The following SIL1 variants were observed in gnomAD, a reference collection of about 807,000 sequenced individuals.
SIL1 encodes the protein nucleotide exchange factor SIL1.
Under a neutral mutation model 49.1 loss-of-function variants are expected in SIL1, and 40 were observed. The observed-to-expected ratio is 0.81, with a 90% CI of 0.63 to 1.06. The LOEUF (loss-of-function observed/expected upper bound fraction) is 1.06, where lower values mean the gene tolerates loss of function less well. Ranked by LOEUF, SIL1 falls within the 50% of genes least tolerant of loss-of-function variation. The pLI is 0.00. For synonymous variants in SIL1, 253 were observed against 250.8 expected (o/e 1.01, Z -0.08); for missense variants, 500 against 572.6 (o/e 0.87, Z 1.29).
At chr5:138,966,901 A>G (rs555360838) in intron 7 of SIL1, among the ~76,000 whole-genome samples, 1 of 152,334 alleles carries the variant, frequency 6.6e-6, no homozygotes, top group South Asian at 2.1e-4. Flanking sequence ...CACGCCGCAA[A>G]TTACTAGCCT....
chr5:139,166,746 G>A (rs1751631796), intron 1 of SIL1, among the ~76,000 whole-genome samples: 1 of 151,834 alleles, frequency 6.6e-6, no homozygotes, highest in African/African-American at 2.4e-5. Context: ...CCAGGCTCAG[G>A]TGATTTTCCC....
chr5:139,011,453 G>C (rs1408781013), intron 7 of SIL1, among the ~76,000 whole-genome samples: 10 of 152,088 alleles, frequency 6.6e-5, no homozygotes, highest in African/African-American at 2.4e-4. Flanking sequence ...GCTGTAGACC[G>C]GAGCTGTTCC....
In SIL1 at chr5:138,951,416, G is replaced by A. The variant is rs1766775258; in HGVS notation, c.865-81C>T. 4.2e-6 allele frequency: 6 copies of A among 1,434,132 alleles called. No homozygotes were observed. In the Admixed American group the frequency reaches 1.2e-4, roughly 29 times the overall value. The allele number at this position is 1,434,132 out of a possible 1,614,324, so 88.8% of individuals were successfully genotyped here. A position where few individuals can be genotyped will look rare whatever the true frequency, so the allele number is the denominator to read the frequency against. ...AGGCCCAGGGAAGGCAGGCAGAGGTGCCCCAAATTAGTCCCCATTCCTCCC... is the reference window on the plus strand; with the variant it reads ...AGGCCCAGGGAAGGCAGGCAGAGGTACCCCAAATTAGTCCCCATTCCTCCC... On this transcript the variant is annotated intron_variant, in intron 8 of 9. Coordinates refer to ENST00000394817, the MANE Select transcript of SIL1 (RefSeq NM_022464.5).
intron 6 of SIL1, among the ~76,000 whole-genome samples, chr5:139,023,258 G>C (rs554595145): frequency 6.6e-6 from 1 of 152,280 alleles, no homozygotes; most frequent in East Asian, 1.9e-4. Context: ...GAGAAACCAT[G>C]ACCATAGCCC....
At chr5:139,074,534 G>T (rs1365511815) in intron 3 of SIL1, among the ~76,000 whole-genome samples, 1 of 152,216 alleles carries the variant, frequency 6.6e-6, no homozygotes, top group Admixed American at 6.5e-5. Context: ...TCTGGGAACA[G>T]GGGCCTTGCA....
At chr5:139,060,744 C>T (rs1357489590) in intron 3 of SIL1, among the ~76,000 whole-genome samples, 1 of 152,154 alleles carries the variant, frequency 6.6e-6, no homozygotes, top group Non-Finnish European at 1.5e-5. Flanking sequence ...ATTAGTCTAT[C>T]AGACACAGTT....
intron 1 of SIL1, among the ~76,000 whole-genome samples, chr5:139,175,107 A>G (rs1186869848): frequency 3.3e-5 from 5 of 152,126 alleles, no homozygotes; most frequent in African/African-American, 1.2e-4. Context: ...GGATCACCTG[A>G]GGTCAGGAGT....
At chr5:139,124,400 T>C (rs1379494582) in intron 2 of SIL1, among the ~76,000 whole-genome samples, 1 of 152,238 alleles carries the variant, frequency 6.6e-6, no homozygotes, top group African/African-American at 2.4e-5. Flanking sequence ...CCTTTTGGTA[T>C]CATCTTTGAA....
At chr5:139,164,857 C>T (rs745641171) in intron 1 of SIL1, among the ~76,000 whole-genome samples, 1 of 152,212 alleles carries the variant, frequency 6.6e-6, no homozygotes, top group Non-Finnish European at 1.5e-5. Flanking sequence ...AAATTCTCAT[C>T]AGATGGGTTT....
At chr5:139,160,552 A>G (rs1751491324) in intron 1 of SIL1, among the ~76,000 whole-genome samples, 1 of 152,230 alleles carries the variant, frequency 6.6e-6, no homozygotes, top group African/African-American at 2.4e-5. Flanking sequence ...TAAAAAAGGG[A>G]GCGAGGCCAG....
At chr5:139,004,103 C>T (rs1420311357) in intron 7 of SIL1, among the ~76,000 whole-genome samples, 1 of 152,152 alleles carries the variant, frequency 6.6e-6, no homozygotes, top group African/African-American at 2.4e-5. Context: ...CACTGTCTTC[C>T]CTCTTTCCCC....
chr5:139,019,583 A>G (rs1329281650), intron 7 of SIL1, among the ~76,000 whole-genome samples: 1 of 152,216 alleles, frequency 6.6e-6, no homozygotes, highest in Non-Finnish European at 1.5e-5. Flanking sequence ...AGCTAATACA[A>G]TCACAGAAAA....
intron 2 of SIL1, among the ~76,000 whole-genome samples, chr5:139,125,614 A>G (rs1044597420): frequency 1.2e-4 from 18 of 152,206 alleles, no homozygotes; most frequent in Admixed American, 7.9e-4. Flanking sequence ...GCCAGTTTCA[A>G]TGCCAGGTGC....
intron 7 of SIL1, among the ~76,000 whole-genome samples, chr5:139,005,005 G>A (rs759988234): frequency 2.6e-5 from 4 of 152,070 alleles, no homozygotes; most frequent in Non-Finnish European, 5.9e-5. Context: ...TTGAGATGTT[G>A]GTCAAAGGAT....
chr5:139,189,295 C>G (rs921433377), intron 1 of SIL1, among the ~76,000 whole-genome samples: 1 of 152,152 alleles, frequency 6.6e-6, no homozygotes, highest in African/African-American at 2.4e-5. Context: ...GCCTGAGCAC[C>G]GCCTCCTGTC....
chr5:138,953,893 A>T (rs1202789279), intron 7 of SIL1, among the ~76,000 whole-genome samples: 1 of 152,240 alleles, frequency 6.6e-6, no homozygotes, highest in Non-Finnish European at 1.5e-5. Flanking sequence ...CTTTGGGAGC[A>T]CTGCCAAGGA....
chr5:139,123,688 G>A (rs1233456904), intron 2 of SIL1, among the ~76,000 whole-genome samples: 2 of 152,176 alleles, frequency 1.3e-5, no homozygotes, highest in African/African-American at 4.8e-5. Context: ...AGGGATGCAG[G>A]GAAATCAGTG....
intron 3 of SIL1, among the ~76,000 whole-genome samples, chr5:139,064,390 T>C (rs1482150646): frequency 6.6e-6 from 1 of 152,044 alleles, no homozygotes; most frequent in Non-Finnish European, 1.5e-5. Context: ...GAGGTGAAAA[T>C]GACAATCAGA....
intron 3 of SIL1, among the ~76,000 whole-genome samples, chr5:139,105,236 G>A (rs1308621301): frequency 6.6e-6 from 1 of 152,168 alleles, no homozygotes; most frequent in African/African-American, 2.4e-5. Context: ...GGTGGTGGTC[G>A]GCAACTGGAA....
Sources: gnomAD v4.1 joint callset for allele counts (sites outside exome capture counted in the v4.1 genomes callset) on GRCh38, gnomAD v4.1.1 for gene constraint, MANE v1.5 for transcripts, NCBI Gene and HGNC (gene_info 2026-07-23, HGNC 2026-07-21) for gene names.